The following AP1AR variants were observed in gnomAD, a reference collection of about 807,000 sequenced individuals.
AP1AR encodes adaptor related protein complex 1 associated regulatory protein, also known as AP-1 complex-associated regulatory protein.
In AP1AR, 29 loss-of-function variants were observed where a neutral mutation model predicts 46.3. That is an observed-to-expected ratio of 0.63 (90% confidence interval 0.47 to 0.85). The LOEUF (loss-of-function observed/expected upper bound fraction) is 0.85, where lower values mean the gene tolerates loss of function less well. Ranked by LOEUF, AP1AR falls within the 40% of genes least tolerant of loss-of-function variation. The pLI is 0.00. For synonymous variants in AP1AR, 122 were observed against 122.9 expected (o/e 0.99, Z 0.05); for missense variants, 357 against 356.3 (o/e 1.00, Z -0.02).
In AP1AR at chr4:112,271,394, G is replaced by A. The variant is rs1334004388; in HGVS notation, c.*2985G>A. ...AATGTTTAGCTATAGTTTAGAGTTG[G>A]CTCCTCAACAGAGCTATTTCTACTT... On this transcript the variant is annotated 3_prime_UTR_variant, in exon 10 of 10. Coordinates refer to ENST00000274000, the MANE Select transcript of AP1AR (RefSeq NM_018569.6). 1.3e-5 allele frequency among the ~76,000 whole-genome samples: 2 copies of A among 152,308 alleles called. No homozygotes were observed. Among genetic ancestry groups the A allele is most frequent in the East Asian group, 1.9e-4 (1 of 5,182 alleles).
At chr4:112,249,508 T>G (rs1204160612) in intron 1 of AP1AR, among the ~76,000 whole-genome samples, 2 of 151,502 alleles carry the variant, frequency 1.3e-5, no homozygotes, top group Non-Finnish European at 2.9e-5. Context: ...ATTACAAAAA[T>G]TAGCCGGGTG....
Position 112,269,655 on chromosome 4 carries a change from C to A in AP1AR, c.*1246C>A, listed in dbSNP as rs1251205065. The A allele has an allele frequency of 6.6e-6, 1 of 151,320 alleles. No individual in the cohort carries two copies. Among genetic ancestry groups the A allele is most frequent in the East Asian group, 1.9e-4 (1 of 5,162 alleles). The allele number at this position is 151,320 out of a possible 1,614,324, so 9.4% of individuals were successfully genotyped here. ...CAGATATAAATAGTAACCTAAAGTTCTTGCTGTGCTTAAAAAAAAAAATCA... is the reference window on the plus strand; with the variant it reads ...CAGATATAAATAGTAACCTAAAGTTATTGCTGTGCTTAAAAAAAAAAATCA... On this transcript the variant is annotated 3_prime_UTR_variant, in exon 10 of 10. Transcript: ENST00000274000.
chr4:112,252,344 C>T (rs1238668141), intron 1 of AP1AR, among the ~76,000 whole-genome samples: 2 of 152,210 alleles, frequency 1.3e-5, no homozygotes, highest in Non-Finnish European at 2.9e-5. Context: ...GATTTAAGAA[C>T]ACTTAGTACA....
chr4:112,240,735 CCT>C (rs752459957), intron 1 of AP1AR, among the ~76,000 whole-genome samples: 1 of 152,150 alleles, frequency 6.6e-6, no homozygotes, highest in East Asian at 1.9e-4. Context: ...GAACATATCC[CCT>C]CTCACAGCAT....
Position 112,245,136 on chromosome 4 carries a change from C to T in AP1AR, c.84-8072C>T, listed in dbSNP as rs1725669299. Among the ~76,000 whole-genome samples, 5 of 152,040 alleles carry T rather than the reference C, an allele frequency of 3.3e-5. 1 individual carries two copies. In the South Asian group the frequency reaches 1.0e-3, roughly 32 times the overall value. On this transcript the variant is annotated intron_variant, in intron 1 of 9. Transcript: ENST00000274000. ...AATAGTAGATCAGATTTTCTTTTAA[C>T]TTTAAATGTCACCAGATTTATATAC...
intron 5 of AP1AR, among the ~76,000 whole-genome samples, 185 bp from the exon 6 acceptor site, chr4:112,262,803 C>T (rs1364952442): frequency 6.6e-6 from 1 of 152,140 alleles, no homozygotes; most frequent in African/African-American, 2.4e-5. Context: ...GTTTTATATC[C>T]TTTGGGTTAT....
intron 1 of AP1AR, among the ~76,000 whole-genome samples, chr4:112,251,975 C>G (rs1218907375): frequency 1.3e-5 from 2 of 152,166 alleles, no homozygotes; most frequent in Non-Finnish European, 2.9e-5. Context: ...TTCATCCACA[C>G]ACATACACAT....
At chr4:112,258,814 A>G (rs972454039) in intron 4 of AP1AR, among the ~76,000 whole-genome samples, 2 of 151,342 alleles carry the variant, frequency 1.3e-5, no homozygotes, top group Non-Finnish European at 3.0e-5. Flanking sequence ...ATTTCATTTT[A>G]TTTAAGTTAT....
rs965472517 is a variant in AP1AR at position 112,271,329 on chromosome 4, G to T, written c.*2920G>T. Among the ~76,000 whole-genome samples, 2 of 152,332 alleles carry T rather than the reference G, an allele frequency of 1.3e-5. No homozygotes were observed. Among genetic ancestry groups the T allele is most frequent in the East Asian group, 3.9e-4 (2 of 5,188 alleles). On this transcript the variant is annotated 3_prime_UTR_variant, in exon 10 of 10. Transcript: ENST00000274000. ...CAATTTCTCATCCAGCTGGTTTCCAGTGACCTCACTCTCATTCAGGTGCAG... is the reference window on the plus strand; with the variant it reads ...CAATTTCTCATCCAGCTGGTTTCCATTGACCTCACTCTCATTCAGGTGCAG...
chr4:112,249,161 G>A (rs1185089084), intron 1 of AP1AR, among the ~76,000 whole-genome samples: 1 of 152,080 alleles, frequency 6.6e-6, no homozygotes, highest in Non-Finnish European at 1.5e-5. Context: ...GGGCGTGGTG[G>A]TGCATGCCTG....
chr4:112,238,130 A>G (rs1352183194), intron 1 of AP1AR, among the ~76,000 whole-genome samples: 2 of 152,234 alleles, frequency 1.3e-5, no homozygotes, highest in African/African-American at 4.8e-5. Flanking sequence ...ATAGTTGCCA[A>G]CTCCTGGTAC....
intron 1 of AP1AR, among the ~76,000 whole-genome samples, chr4:112,247,348 G>A (rs1001895886): frequency 2.6e-5 from 4 of 152,174 alleles, no homozygotes; most frequent in African/African-American, 9.6e-5. Context: ...GTAGCTCCAG[G>A]GTTAAATATA....
intron 1 of AP1AR, among the ~76,000 whole-genome samples, chr4:112,243,499 C>T (rs981223363): frequency 6.6e-6 from 1 of 152,168 alleles, no homozygotes; most frequent in East Asian, 1.9e-4. Context: ...TGATTGCATA[C>T]GTTATTCATA....
At chr4:112,266,458 A>C (rs933191096) in intron 8 of AP1AR, 130 bp from the exon 9 acceptor site, 1 of 954,954 alleles carries the variant, frequency 1.0e-6, no homozygotes, top group African/African-American at 1.7e-5. Context: ...AATGATTTCC[A>C]GAATTATTTC....
intron 6 of AP1AR, among the ~76,000 whole-genome samples, chr4:112,263,414 T>A (rs1445087910): frequency 6.6e-6 from 1 of 151,980 alleles, no homozygotes; most frequent in Non-Finnish European, 1.5e-5. Flanking sequence ...GGGAAAGCGT[T>A]GCAAAACTAG....
chr4:112,249,402 G>A (rs1313472905), intron 1 of AP1AR, among the ~76,000 whole-genome samples: 3 of 151,686 alleles, frequency 2.0e-5, no homozygotes, highest in East Asian at 3.9e-4. Flanking sequence ...GCTCACGCCT[G>A]TAATCTCACC....
intron 1 of AP1AR, among the ~76,000 whole-genome samples, chr4:112,239,943 G>A (rs1218703686): frequency 6.6e-6 from 1 of 152,214 alleles, no homozygotes; most frequent in Non-Finnish European, 1.5e-5. Flanking sequence ...TATCAAGTGG[G>A]TCTACCCACA....
chr4:112,234,754 C>T lies in AP1AR; in HGVS notation c.83+2580C>T, dbSNP rs530614592. Reference sequence around the variant, plus strand: ...AAAGGTGAAAAAGTTGAGGAGTAATCACAAAAACTTGATTTGATCCTATAT... The same window carrying T: ...AAAGGTGAAAAAGTTGAGGAGTAATTACAAAAACTTGATTTGATCCTATAT... On this transcript the variant is annotated intron_variant, in intron 1 of 9. Coordinates refer to ENST00000274000, the MANE Select transcript of AP1AR (RefSeq NM_018569.6). Among the ~76,000 whole-genome samples, 4 of 150,892 alleles carry T rather than the reference C, an allele frequency of 2.7e-5. No individual in the cohort carries two copies. In the South Asian group the frequency reaches 8.4e-4, roughly 32 times the overall value.
chr4:112,257,711 T>A (rs1413063940), intron 3 of AP1AR, 61 bp from the exon 4 acceptor site: 1 of 1,316,378 alleles, frequency 7.6e-7, no homozygotes, highest in African/African-American at 1.6e-5. Flanking sequence ...ATTGTATTGG[T>A]TACTTTAAAT....
Sources: allele counts gnomAD v4.1 joint callset (sites outside exome capture counted in the v4.1 genomes callset), GRCh38; gene constraint gnomAD v4.1.1; transcripts MANE v1.5; gene names NCBI Gene and HGNC (gene_info 2026-07-23, HGNC 2026-07-21).